Variants in CTNNA3 observed in about 807,000 individuals in gnomAD.
CTNNA3 encodes the protein catenin alpha-3.
Under a neutral mutation model 95.7 loss-of-function variants are expected in CTNNA3, and 76 were observed. That is an observed-to-expected ratio of 0.79 (90% confidence interval 0.66 to 0.96). The LOEUF is 0.96. Among genes scored for constraint, CTNNA3 ranks in the 40% least tolerant of loss-of-function variants. The pLI, the probability that CTNNA3 is intolerant of heterozygous loss-of-function variation, is 0.00. For missense variants in CTNNA3, 1,191 were observed against 1,089.8 expected, an observed-to-expected ratio of 1.09 and a Z score of -1.31; for synonymous variants, 431 against 374.4, an observed-to-expected ratio of 1.15 and a Z score of -1.74.
intron 16 of CTNNA3, among the ~76,000 whole-genome samples, chr10:65,985,213 C>T (rs1417136223): frequency 4.0e-5 from 6 of 150,976 alleles, no homozygotes; most frequent in African/African-American, 1.5e-4. Flanking sequence ...AGCCCAAAAA[C>T]CTTTCCCTAA....
intron 2 of CTNNA3, among the ~76,000 whole-genome samples, chr10:67,640,533 G>T (rs1270865934): frequency 1.3e-5 from 2 of 152,158 alleles, no homozygotes; most frequent in African/African-American, 4.8e-5. Context: ...CCAAAAAAGA[G>T]CCTGCATTGC....
intron 17 of CTNNA3, among the ~76,000 whole-genome samples, chr10:65,933,703 C>A (rs2077289883): frequency 6.6e-6 from 1 of 152,120 alleles, no homozygotes; most frequent in Non-Finnish European, 1.5e-5. Flanking sequence ...TTTTTAATAA[C>A]CTGTCTTACC....
intron 3 of CTNNA3, among the ~76,000 whole-genome samples, chr10:67,560,968 G>C (rs1328241461): frequency 2.0e-5 from 3 of 151,794 alleles, no homozygotes; most frequent in South Asian, 4.2e-4. Flanking sequence ...CCAAATACAG[G>C]AGGCCACAGA....
intron 7 of CTNNA3, among the ~76,000 whole-genome samples, chr10:66,977,852 GA>G (rs971212622): frequency 2.6e-5 from 4 of 152,086 alleles, no homozygotes; most frequent in Non-Finnish European, 4.4e-5. Context: ...TATATGTCTG[GA>G]TCACTTGTGC....
intron 10 of CTNNA3, among the ~76,000 whole-genome samples, chr10:66,555,768 A>G (rs2132120375): frequency 6.6e-6 from 1 of 152,252 alleles, no homozygotes; most frequent in South Asian, 2.1e-4. Flanking sequence ...AACATCAAAT[A>G]TACCAAAAAT....
intron 5 of CTNNA3, among the ~76,000 whole-genome samples, chr10:67,248,019 C>T (rs1369387138): frequency 6.6e-6 from 1 of 152,134 alleles, no homozygotes; most frequent in Non-Finnish European, 1.5e-5. Context: ...CAATTCAATA[C>T]AGAAAGGATA....
At chr10:67,031,996 C>T (rs192327929) in intron 7 of CTNNA3, among the ~76,000 whole-genome samples, 108 of 152,232 alleles carry the variant, frequency 7.1e-4, no homozygotes, top group African/African-American at 2.2e-3. Flanking sequence ...AACAAAAACA[C>T]GGTGTATATA....
intron 10 of CTNNA3, among the ~76,000 whole-genome samples, chr10:66,562,819 G>A (rs115756290): frequency 0.05 from 7,618 of 151,838 alleles, 241 homozygotes; most frequent in African/African-American, 0.075. Context: ...TAAGAAGTTT[G>A]AAGCATTTCA....
intron 6 of CTNNA3, among the ~76,000 whole-genome samples, chr10:67,195,263 T>C (rs1392596262): frequency 1.3e-5 from 2 of 152,100 alleles, no homozygotes; most frequent in Non-Finnish European, 2.9e-5. Context: ...TAAATATGGA[T>C]ACTTATCTTT....
chr10:66,208,005 C>G (rs1241418677), intron 13 of CTNNA3, among the ~76,000 whole-genome samples: 1 of 152,078 alleles, frequency 6.6e-6, no homozygotes, highest in Non-Finnish European at 1.5e-5. Flanking sequence ...GCACAATCAA[C>G]TACTCTGTCA....
chr10:67,342,944 G>A (rs1842271128), intron 5 of CTNNA3, among the ~76,000 whole-genome samples: 1 of 151,696 alleles, frequency 6.6e-6, no homozygotes, highest in African/African-American at 2.4e-5. Flanking sequence ...GCTCTTTCGT[G>A]GTTCCACATA....
chr10:67,415,099 G>C (rs1048338667), intron 5 of CTNNA3, among the ~76,000 whole-genome samples: 3 of 152,112 alleles, frequency 2.0e-5, no homozygotes, highest in Non-Finnish European at 1.5e-5. Context: ...ACTAGAACAA[G>C]ACAAGGCTGC....
At chr10:66,327,234 T>A (rs2132305913) in intron 12 of CTNNA3, among the ~76,000 whole-genome samples, 1 of 152,178 alleles carries the variant, frequency 6.6e-6, no homozygotes, top group Admixed American at 6.5e-5. Flanking sequence ...AGCCAGCAAC[T>A]GTGAATGTTC....
chr10:67,194,386 G>T (rs546844970), intron 6 of CTNNA3, among the ~76,000 whole-genome samples: 7 of 151,998 alleles, frequency 4.6e-5, no homozygotes, highest in African/African-American at 1.7e-4. Flanking sequence ...GCACTAAAAA[G>T]AAATGAGATA....
intron 10 of CTNNA3, among the ~76,000 whole-genome samples, chr10:66,536,135 A>T (rs894314371): frequency 5.5e-4 from 43 of 77,926 alleles, no homozygotes; most frequent in Non-Finnish European, 1.2e-3. Flanking sequence ...GTGAAACGAC[A>T]TGAGAGAGAG....
At chr10:67,304,084 G>A (rs10823028) in intron 5 of CTNNA3, among the ~76,000 whole-genome samples, 22,052 of 152,094 alleles carry the variant, frequency 0.14, 2,214 homozygotes, top group African/African-American at 0.29. Context: ...TTTAACATTC[G>A]CATTGCCTTG....
intron 7 of CTNNA3, among the ~76,000 whole-genome samples, chr10:67,000,242 A>C (rs1249458940): frequency 6.6e-6 from 1 of 152,214 alleles, no homozygotes; most frequent in Non-Finnish European, 1.5e-5. Context: ...AGTGCTGCAG[A>C]AGTAAAACCA....
At chr10:67,361,819 G>T (rs9414958) in intron 5 of CTNNA3, among the ~76,000 whole-genome samples, 135,092 of 152,070 alleles carry the variant, frequency 0.89, 61,118 homozygotes, top group East Asian at 1. Flanking sequence ...ACAAAAAGCA[G>T]CAACAAAACC....
chr10:66,145,661 T>TA (rs2083846186), intron 13 of CTNNA3, among the ~76,000 whole-genome samples: 1 of 152,196 alleles, frequency 6.6e-6, no homozygotes, highest in African/African-American at 2.4e-5. Flanking sequence ...TTGGACCTGC[T>TA]GAGCCAGCTT....
Sources: gnomAD v4.1 joint callset for allele counts (sites outside exome capture counted in the v4.1 genomes callset) on GRCh38, gnomAD v4.1.1 for gene constraint, MANE v1.5 for transcripts, NCBI Gene and HGNC (gene_info 2026-07-23, HGNC 2026-07-21) for gene names.